FAM117A: variants seen among roughly 807,000 people sequenced by gnomAD.
FAM117A encodes protein FAM117A.
Under a neutral mutation model 44.1 loss-of-function variants are expected in FAM117A, and 21 were observed. The ratio of observed to expected loss-of-function variants is 0.48; its 90% CI spans 0.34 to 0.69. The LOEUF (loss-of-function observed/expected upper bound fraction) is 0.69. Ranked by LOEUF, FAM117A falls within the 30% of genes least tolerant of loss-of-function variation. The pLI is 0.01. For missense variants in FAM117A, 498 were observed against 589.9 expected (o/e 0.84, Z 1.61); for synonymous variants, 220 against 238.3 (o/e 0.92, Z 0.71).
chr17:49,764,119 G>A lies in FAM117A; in HGVS notation c.-32C>T, dbSNP rs201571451. Reference sequence around the variant, plus strand: ...CCCGGCTGCCTGCCTCAGCCCCACTGCGAGACTCACACAGCCCCCCAACCC... The same window carrying A: ...CCCGGCTGCCTGCCTCAGCCCCACTACGAGACTCACACAGCCCCCCAACCC... On this transcript the variant is annotated 5_prime_UTR_variant, in exon 1 of 8. Transcript: ENST00000240364. 1.0e-5 allele frequency: 12 copies of A among 1,174,552 alleles called. No individual in the cohort carries two copies. The African/African-American group carries it at 1.9e-4, about 19-fold the overall frequency. 72.8% of individuals were successfully genotyped at this position (1,174,552 alleles called of 1,614,324 possible). A position where few individuals can be genotyped will look rare whatever the true frequency, so the allele number is the denominator to read the frequency against.
chr17:49,742,701 GT>G lies in FAM117A; in HGVS notation c.197-9982del, dbSNP rs1274117217. Among the ~76,000 whole-genome samples, 3 of 152,130 alleles carry G rather than the reference GT, an allele frequency of 2.0e-5. No homozygotes were observed. The East Asian group carries it at 5.8e-4, about 29-fold the overall frequency. The stretch of plus-strand genomic sequence containing the variant: ...CTCCATGGTTATTTGGGAGTGATGG[GT>G]TTCTGGAGGGCTGTTTTAAACTCAA... On this transcript the variant is annotated intron_variant, in intron 1 of 7. Transcript: ENST00000240364.
intron 1 of FAM117A, among the ~76,000 whole-genome samples, chr17:49,782,596 A>G (rs1156274466): frequency 6.7e-6 from 1 of 149,752 alleles, no homozygotes. Context: ...AGGCTGAGGC[A>G]GGAGAATCGC....
chr17:49,737,274 C>A (rs1156574415), intron 1 of FAM117A, among the ~76,000 whole-genome samples: 1 of 152,222 alleles, frequency 6.6e-6, no homozygotes, highest in Non-Finnish European at 1.5e-5. Context: ...CAAAAGATAG[C>A]AATCCAGATA....
chr17:49,716,389 TGTAAA>T, intron 6 of FAM117A, 74 bp from the exon 7 acceptor site: 1 of 1,350,902 alleles, frequency 7.4e-7, no homozygotes, highest in Non-Finnish European at 9.9e-7. Context: ...AGGACTGAGG[TGTAAA>T]GTGGCAAGGC....
chr17:49,714,315 C>T (rs1196639975), intron 7 of FAM117A, among the ~76,000 whole-genome samples: 1 of 151,418 alleles, frequency 6.6e-6, no homozygotes, highest in Non-Finnish European at 1.5e-5. Flanking sequence ...TAGAAAATCA[C>T]TGATGGATCA....
intron 1 of FAM117A, among the ~76,000 whole-genome samples, chr17:49,749,775 C>A (rs768840041): frequency 6.8e-6 from 1 of 147,932 alleles, no homozygotes; most frequent in African/African-American, 2.4e-5. Context: ...CTGGGACACA[C>A]GGCAGTGGGC....
rs145830133 is a variant in FAM117A at position 49,752,722 on chromosome 17, C to T, written c.196+11170G>A. ...AAACCAGCTGGAAACACTCAAAAGC[C>T]GCCACCATATCACACACATAATAAT... On this transcript the variant is annotated intron_variant, in intron 1 of 7. Transcript: ENST00000240364. Among the ~76,000 whole-genome samples the T allele has an allele frequency of 6.9e-3, 1,049 of 152,202 alleles. 16 individuals carry two copies. Among genetic ancestry groups the T allele is most frequent in the African/African-American group, 0.024 (1,010 of 41,506 alleles).
chr17:49,740,902 T>C (rs1252064711), intron 1 of FAM117A, among the ~76,000 whole-genome samples: 1 of 152,152 alleles, frequency 6.6e-6, no homozygotes, highest in Non-Finnish European at 1.5e-5. Context: ...AACTGAGGCA[T>C]TGTGGCTGCT....
chr17:49,754,634 T>C (rs1307565807), intron 1 of FAM117A, among the ~76,000 whole-genome samples: 2 of 149,688 alleles, frequency 1.3e-5, no homozygotes, highest in African/African-American at 4.9e-5. Flanking sequence ...GGGAAGGGAG[T>C]GTGGGGTAGA....
At chr17:49,733,908 C>T (rs576381058) in intron 1 of FAM117A, among the ~76,000 whole-genome samples, 49 of 151,710 alleles carry the variant, frequency 3.2e-4, no homozygotes, top group Admixed American at 2.6e-3. Flanking sequence ...TTTGGGAGGT[C>T]GAGGCAGGTG....
intron 1 of FAM117A, among the ~76,000 whole-genome samples, chr17:49,775,923 G>A (rs2073774337): frequency 6.6e-6 from 1 of 152,114 alleles, no homozygotes; most frequent in African/African-American, 2.4e-5. Context: ...TCAATTTCTT[G>A]GCCCTGTACA....
chr17:49,734,466 C>G (rs2143739121), intron 1 of FAM117A, among the ~76,000 whole-genome samples: 1 of 151,808 alleles, frequency 6.6e-6, no homozygotes, highest in South Asian at 2.1e-4. Flanking sequence ...GTGGCGAGTG[C>G]CTGTAGTCCC....
intron 1 of FAM117A, among the ~76,000 whole-genome samples, chr17:49,748,388 C>G (rs1190597037): frequency 1.3e-5 from 2 of 152,166 alleles, no homozygotes; most frequent in African/African-American, 4.8e-5. Flanking sequence ...GACAACCCAA[C>G]AGGAATTTGA....
chr17:49,737,655 C>T (rs965267816), intron 1 of FAM117A, among the ~76,000 whole-genome samples: 4 of 152,192 alleles, frequency 2.6e-5, no homozygotes, highest in Non-Finnish European at 4.4e-5. Context: ...AAAGCTATCT[C>T]GTGTTTACGT....
chr17:49,727,180 C>G (rs867810343), intron 2 of FAM117A, among the ~76,000 whole-genome samples: 20 of 151,588 alleles, frequency 1.3e-4, no homozygotes, highest in African/African-American at 4.4e-4. Context: ...GTGGGCAGAT[C>G]AGATCACTTG....
chr17:49,729,762 C>T lies in FAM117A; in HGVS notation c.366+2789G>A, dbSNP rs889522655. 3.3e-5 allele frequency among the ~76,000 whole-genome samples: 5 copies of T among 152,188 alleles called. No individual in the cohort carries two copies. The South Asian group carries it at 8.3e-4, about 25-fold the overall frequency. Reference sequence around the variant, plus strand: ...CTTGTGATCTGCCCACCTCGGCCTCCCAAAGTGCTGGGATTACAGGCGTGA... The same window carrying T: ...CTTGTGATCTGCCCACCTCGGCCTCTCAAAGTGCTGGGATTACAGGCGTGA... On this transcript the variant is annotated intron_variant, in intron 2 of 7. Transcript: ENST00000240364.
intron 2 of FAM117A, among the ~76,000 whole-genome samples, chr17:49,728,217 A>G (rs1346408077): frequency 6.6e-6 from 1 of 152,200 alleles, no homozygotes; most frequent in East Asian, 1.9e-4. Flanking sequence ...ACCCACAAAG[A>G]AAAACATTTT....
intron 3 of FAM117A, among the ~76,000 whole-genome samples, chr17:49,721,296 G>A (rs1296816405): frequency 6.6e-6 from 1 of 152,160 alleles, no homozygotes; most frequent in African/African-American, 2.4e-5. Flanking sequence ...ACTGGAAAAT[G>A]CTCAGGGGAT....
At chr17:49,730,199 C>T (rs192948710) in intron 2 of FAM117A, among the ~76,000 whole-genome samples, 31 of 152,340 alleles carry the variant, frequency 2.0e-4, no homozygotes, top group Non-Finnish European at 2.9e-5. Flanking sequence ...TGACTGCGGC[C>T]ACAATATTGA....
Sources: gnomAD v4.1 joint callset for allele counts (sites outside exome capture counted in the v4.1 genomes callset) on GRCh38, gnomAD v4.1.1 for gene constraint, MANE v1.5 for transcripts, NCBI Gene and HGNC (gene_info 2026-07-23, HGNC 2026-07-21) for gene names.